The following GFRA1 variants were observed in gnomAD, a reference collection of about 807,000 sequenced individuals.
GFRA1 encodes the protein GDNF family receptor alpha 1.
A neutral mutation model predicts 51.6 loss-of-function variants in GFRA1; 16 were observed. That is an observed-to-expected ratio of 0.31 (90% confidence interval 0.21 to 0.47). GFRA1 has a LOEUF of 0.47. Ranked by LOEUF, GFRA1 falls within the 20% of genes least tolerant of loss-of-function variation. The pLI, the probability that GFRA1 is intolerant of heterozygous loss-of-function variation, is 1.00. For synonymous variants in GFRA1, 270 were observed against 241.3 expected, an observed-to-expected ratio of 1.12 and a Z score of -1.10; for missense variants, 530 against 594.3, an observed-to-expected ratio of 0.89 and a Z score of 1.13.
At chr10:116,193,521 G>A (rs1354751310) in intron 5 of GFRA1, among the ~76,000 whole-genome samples, 1 of 152,178 alleles carries the variant, frequency 6.6e-6, no homozygotes, top group East Asian at 1.9e-4. Context: ...TCACATCTGT[G>A]TTGTATTTTC....
rs1347202630 is a variant in GFRA1, at chr10:116,257,691, C to G, written c.418+11812G>C. The stretch of plus-strand genomic sequence containing the variant: ...ACAAAACTATATTAAGTTGAACTGT[C>G]TGAAATTGTTGCTATTCTACCATGT... On this transcript the variant is annotated intron_variant, in intron 4 of 10. Transcript: ENST00000355422. Among the ~76,000 whole-genome samples the G allele has an allele frequency of 3.3e-5, 5 of 152,222 alleles. No individual in the cohort carries two copies. In the East Asian group the frequency reaches 9.6e-4, roughly 29 times the overall value.
intron 5 of GFRA1, among the ~76,000 whole-genome samples, chr10:116,182,248 G>C (rs919287588): frequency 6.6e-6 from 1 of 152,104 alleles, no homozygotes; most frequent in African/African-American, 2.4e-5. Context: ...CAAGGGGAAT[G>C]ACTAACTGAC....
At chr10:116,157,088 G>A (rs1031130967) in intron 5 of GFRA1, among the ~76,000 whole-genome samples, 5 of 152,312 alleles carry the variant, frequency 3.3e-5, no homozygotes, top group East Asian at 3.9e-4. Flanking sequence ...TAAGAACTCC[G>A]TGAAAAGGTG....
intron 5 of GFRA1, among the ~76,000 whole-genome samples, chr10:116,193,942 G>C (rs1963494407): frequency 6.6e-6 from 1 of 151,984 alleles, no homozygotes; most frequent in African/African-American, 2.4e-5. Flanking sequence ...CGGAGACTGA[G>C]GCAAGAGAAT....
chr10:116,124,061 C>T (rs1459075920), intron 6 of GFRA1, among the ~76,000 whole-genome samples: 8 of 151,726 alleles, frequency 5.3e-5, no homozygotes, highest in African/African-American at 1.7e-4. Flanking sequence ...TGCACTACCA[C>T]GCCTGGCTAT....
intron 5 of GFRA1, among the ~76,000 whole-genome samples, chr10:116,189,764 A>G (rs1032179034): frequency 4.6e-5 from 7 of 152,198 alleles, no homozygotes; most frequent in African/African-American, 1.7e-4. Context: ...AGTGTTATCC[A>G]GTAAAATGCT....
intron 4 of GFRA1, among the ~76,000 whole-genome samples, chr10:116,215,553 C>A (rs916497267): frequency 2.0e-5 from 3 of 152,190 alleles, no homozygotes; most frequent in Non-Finnish European, 1.5e-5. Flanking sequence ...ACCCCTGTCA[C>A]GGGGCTGAGA....
intron 6 of GFRA1, among the ~76,000 whole-genome samples, chr10:116,099,891 T>G (rs1043335420): frequency 4.6e-5 from 7 of 152,246 alleles, no homozygotes; most frequent in Non-Finnish European, 7.3e-5. Flanking sequence ...TTTACAAACT[T>G]TTACTTTGTA....
At chr10:116,159,652 C>T (rs1959537815) in intron 5 of GFRA1, among the ~76,000 whole-genome samples, 1 of 152,164 alleles carries the variant, frequency 6.6e-6, no homozygotes, top group Non-Finnish European at 1.5e-5. Flanking sequence ...TCTGACCTTG[C>T]ACTACACCCT....
chr10:116,137,157 C>T (rs575572212), intron 5 of GFRA1, among the ~76,000 whole-genome samples: 3 of 152,104 alleles, frequency 2.0e-5, no homozygotes, highest in East Asian at 1.9e-4. Context: ...GCTACAGGTC[C>T]GAATGTCACT....
At chr10:116,077,040 T>A (rs974070238) in intron 9 of GFRA1, among the ~76,000 whole-genome samples, 2 of 152,100 alleles carry the variant, frequency 1.3e-5, no homozygotes. Flanking sequence ...TATGAGTTAT[T>A]TGGAGGTATT....
chr10:116,094,617 A>C (rs551736103), intron 7 of GFRA1, among the ~76,000 whole-genome samples: 1 of 152,322 alleles, frequency 6.6e-6, no homozygotes, highest in Non-Finnish European at 1.5e-5. Flanking sequence ...GATGACAAGA[A>C]GGCTTTTGTT....
intron 4 of GFRA1, among the ~76,000 whole-genome samples, chr10:116,254,196 C>T (rs1178557345): frequency 6.6e-6 from 1 of 151,470 alleles, no homozygotes; most frequent in African/African-American, 2.4e-5. Flanking sequence ...GTGGCAGGTG[C>T]CTGTAATCCC....
At chr10:116,261,343 A>G (rs560608655) in intron 4 of GFRA1, among the ~76,000 whole-genome samples, 1 of 152,318 alleles carries the variant, frequency 6.6e-6, no homozygotes, top group East Asian at 1.9e-4. Flanking sequence ...ACGGGACTAG[A>G]ACGACCTCCA....
chr10:116,100,050 T>C (rs1956757224), intron 6 of GFRA1, among the ~76,000 whole-genome samples: 1 of 152,222 alleles, frequency 6.6e-6, no homozygotes, highest in Non-Finnish European at 1.5e-5. Context: ...CTTAAGGTTT[T>C]ACTATTACAC....
intron 5 of GFRA1, among the ~76,000 whole-genome samples, chr10:116,203,092 C>T (rs11197582): frequency 0.26 from 39,809 of 151,842 alleles, 5,603 homozygotes; most frequent in South Asian, 0.43. Flanking sequence ...GGAGGTCTGG[C>T]CCAGTATCCC....
At chr10:116,247,500 C>A (rs1016580679) in intron 4 of GFRA1, among the ~76,000 whole-genome samples, 2 of 152,174 alleles carry the variant, frequency 1.3e-5, no homozygotes, top group Non-Finnish European at 2.9e-5. Context: ...GTCTCTAAGG[C>A]CCTGTGGCCA....
At chr10:116,074,935 G>A (rs1423004159) in intron 9 of GFRA1, among the ~76,000 whole-genome samples, 1 of 152,228 alleles carries the variant, frequency 6.6e-6, no homozygotes, top group East Asian at 1.9e-4. Flanking sequence ...TGATCTAAGT[G>A]TGCTCAGAGG....
chr10:116,202,724 C>A (rs1355260252), intron 5 of GFRA1, among the ~76,000 whole-genome samples: 1 of 152,108 alleles, frequency 6.6e-6, no homozygotes, highest in Non-Finnish European at 1.5e-5. Context: ...AGAACTTACT[C>A]ACTATCATGA....
Sources: gnomAD v4.1 joint callset for allele counts (sites outside exome capture counted in the v4.1 genomes callset) on GRCh38, gnomAD v4.1.1 for gene constraint, MANE v1.5 for transcripts, NCBI Gene and HGNC (gene_info 2026-07-23, HGNC 2026-07-21) for gene names.